The following ANO10 variants were observed in gnomAD, a reference collection of about 807,000 sequenced individuals.
ANO10 encodes anoctamin 10, also known as anoctamin-10.
ANO10 carries 77 observed loss-of-function variants against 74.7 expected under a neutral mutation model. The ratio of observed to expected loss-of-function variants is 1.03; its 90% CI spans 0.86 to 1.25. The LOEUF (loss-of-function observed/expected upper bound fraction) is 1.25, where lower values mean the gene tolerates loss of function less well. Among genes scored for constraint, ANO10 ranks in the 50% most tolerant of loss-of-function variants. The probability of loss-of-function intolerance (pLI) is 0.00; values close to 1 mark genes in which losing one functional copy is unlikely to be tolerated. For synonymous variants in ANO10, 279 were observed against 284.9 expected, an observed-to-expected ratio of 0.98 and a Z score of 0.21; for missense variants, 721 against 778.1, an observed-to-expected ratio of 0.93 and a Z score of 0.87.
intron 7 of ANO10, 145 bp from the exon 8 acceptor site, chr3:43,565,872 C>T (rs1216628929): frequency 2.5e-6 from 2 of 814,384 alleles, no homozygotes; most frequent in East Asian, 2.8e-5. Flanking sequence ...CTACAGCTCC[C>T]AGCCTGAGCG....
At chr3:43,408,299 T>C (rs947528971) in intron 12 of ANO10, among the ~76,000 whole-genome samples, 1 of 152,170 alleles carries the variant, frequency 6.6e-6, no homozygotes, top group African/African-American at 2.4e-5. Flanking sequence ...ATTTCAAATC[T>C]TTTAAAAGCA....
intron 1 of ANO10, among the ~76,000 whole-genome samples, chr3:43,627,636 T>A (rs1447449160): frequency 6.6e-6 from 1 of 152,254 alleles, no homozygotes; most frequent in African/African-American, 2.4e-5. Flanking sequence ...GATACCAAGA[T>A]AGTGCATCTA....
chr3:43,411,827 T>G (rs867694372), intron 12 of ANO10, among the ~76,000 whole-genome samples: 9 of 152,178 alleles, frequency 5.9e-5, no homozygotes, highest in Non-Finnish European at 7.4e-5. Context: ...TCAGGCGGAA[T>G]AGCTGTGTGC....
At chr3:43,422,291 A>G (rs556094223) in intron 12 of ANO10, among the ~76,000 whole-genome samples, 130 of 151,674 alleles carry the variant, frequency 8.6e-4, no homozygotes, top group African/African-American at 2.9e-3. Context: ...TAATTTTTGT[A>G]TTTTCAGTAG....
At chr3:43,425,721 T>TTTCC (rs2092889808) in intron 12 of ANO10, among the ~76,000 whole-genome samples, 1 of 152,118 alleles carries the variant, frequency 6.6e-6, no homozygotes, top group African/African-American at 2.4e-5. Flanking sequence ...CAGTACAGCA[T>TTTCC]CACATGACAG....
At chr3:43,577,437 T>C (rs1358567964) in intron 5 of ANO10, among the ~76,000 whole-genome samples, 176 bp from the exon 6 acceptor site, 2 of 152,210 alleles carry the variant, frequency 1.3e-5, no homozygotes, top group East Asian at 1.9e-4. Context: ...CTTGTCTGCA[T>C]GGCAGGTCCA....
In ANO10 at chr3:43,661,974, A is replaced by G. The variant is rs530695051; in HGVS notation, c.-12+29543T>C. Among the ~76,000 whole-genome samples, 88 of 152,336 alleles carry G rather than the reference A, an allele frequency of 5.8e-4. 1 individual carries two copies. The highest frequency in any genetic ancestry group is 2.0e-3 in the African/African-American group (85 of 41,578). On this transcript the variant is annotated intron_variant, in intron 1 of 3. Transcript: ENST00000413397. ...TAATAATGGGAGACTGTAACACCCC[A>G]CTGTCAATATTAGACAGATCAACGA... is the stretch of plus-strand genomic sequence containing the variant.
At chr3:43,594,989 A>G (rs1381401144) in intron 4 of ANO10, among the ~76,000 whole-genome samples, 1 of 152,250 alleles carries the variant, frequency 6.6e-6, no homozygotes, top group Admixed American at 6.5e-5. Context: ...GAACAACTCT[A>G]CGCAAATAAA....
chr3:43,425,813 T>C (rs981614773), intron 12 of ANO10, among the ~76,000 whole-genome samples: 5 of 152,130 alleles, frequency 3.3e-5, no homozygotes, highest in African/African-American at 1.2e-4. Context: ...CACAATACTA[T>C]CTCTTGTGGG....
At chr3:43,481,910 CTTTTTTCTTT>C (rs772633575) in intron 11 of ANO10, among the ~76,000 whole-genome samples, 2,073 of 146,114 alleles carry the variant, frequency 0.014, 82 homozygotes, top group Admixed American at 0.093. Context: ...TGATTGATGT[CTTTTTTCTTT>C]TTTTTTCTTT....
intron 4 of ANO10, among the ~76,000 whole-genome samples, chr3:43,585,441 T>C (rs1206924845): frequency 2.6e-5 from 4 of 152,240 alleles, no homozygotes; most frequent in African/African-American, 9.6e-5. Context: ...GATACCAGAC[T>C]GGCTACCTAC....
At position 43,638,272 on chromosome 3, in the gene ANO10, A is replaced by G. The variant is rs150665824; in HGVS notation, c.-11-32409T>C. On this transcript the variant is annotated intron_variant, in intron 1 of 3. Coordinates refer to the ANO10 transcript ENST00000413397. ...GTAAGAAATAGATATTTTTGTTGAA[A>G]TTATGCAATTTATATTAATCCTCTT... Among the ~76,000 whole-genome samples, 1,239 of 152,336 alleles carry G rather than the reference A, an allele frequency of 8.1e-3. 17 individuals are homozygous for G. The highest frequency in any genetic ancestry group is 0.028 in the African/African-American group (1,148 of 41,578).
intron 12 of ANO10, among the ~76,000 whole-genome samples, chr3:43,375,661 C>T (rs939466653): frequency 2.6e-5 from 4 of 151,748 alleles, no homozygotes; most frequent in Admixed American, 2.6e-4. Context: ...ACTCTCCTAG[C>T]TAAAAGAGGC....
intron 11 of ANO10, among the ~76,000 whole-genome samples, chr3:43,458,143 C>T (rs539275522): frequency 6.6e-6 from 1 of 152,242 alleles, no homozygotes; most frequent in African/African-American, 2.4e-5. Context: ...CAATATATCC[C>T]CACTGTGCTA....
chr3:43,382,444 G>A (rs1284118464), intron 12 of ANO10, among the ~76,000 whole-genome samples: 5 of 151,374 alleles, frequency 3.3e-5, no homozygotes, highest in Non-Finnish European at 5.9e-5. Flanking sequence ...GCGTGAACCC[G>A]GGAGGCGGAG....
At chr3:43,617,285 C>A (rs1431285385) in intron 1 of ANO10, among the ~76,000 whole-genome samples, 1 of 151,424 alleles carries the variant, frequency 6.6e-6, no homozygotes, top group Non-Finnish European at 1.5e-5. Flanking sequence ...ATGATTTGAC[C>A]ATACAGACTT....
At chr3:43,423,463 A>C (rs1049352694) in intron 12 of ANO10, among the ~76,000 whole-genome samples, 4 of 152,324 alleles carry the variant, frequency 2.6e-5, no homozygotes, top group Non-Finnish European at 5.9e-5. Flanking sequence ...GGGACCTCGC[A>C]GCTCACAAGG....
chr3:43,470,582 C>T (rs2075811051), intron 11 of ANO10, among the ~76,000 whole-genome samples: 1 of 147,212 alleles, frequency 6.8e-6, no homozygotes, highest in Non-Finnish European at 1.5e-5. Flanking sequence ...CTGCCTGCCT[C>T]GGCCTGGTAA....
intron 11 of ANO10, among the ~76,000 whole-genome samples, chr3:43,542,083 T>C (rs779018913): frequency 6.6e-6 from 1 of 152,182 alleles, no homozygotes; most frequent in Non-Finnish European, 1.5e-5. Flanking sequence ...GCTTTCCTTC[T>C]GTAAAAAAGA....
Sources: allele counts gnomAD v4.1 joint callset (sites outside exome capture counted in the v4.1 genomes callset), GRCh38; gene constraint gnomAD v4.1.1; transcripts MANE v1.5; gene names NCBI Gene and HGNC (gene_info 2026-07-23, HGNC 2026-07-21).